Variants in NRP1 observed in about 807,000 individuals in gnomAD.
NRP1 encodes neuropilin 1.
A neutral mutation model predicts 106.7 loss-of-function variants in NRP1; 35 were observed. The observed-to-expected ratio is 0.33, with a 90% CI of 0.25 to 0.43. NRP1 has a LOEUF of 0.43. NRP1 is among the 20% of genes least tolerant of loss of function. The pLI is 1.00. For missense variants in NRP1, 1,024 were observed against 1,170.4 expected, an observed-to-expected ratio of 0.87 and a Z score of 1.83; for synonymous variants, 437 against 417.9, an observed-to-expected ratio of 1.05 and a Z score of -0.56.
intron 3 of NRP1, among the ~76,000 whole-genome samples, chr10:33,267,921 T>C (rs1351651447): frequency 6.6e-6 from 1 of 152,158 alleles, no homozygotes; most frequent in Non-Finnish European, 1.5e-5. Flanking sequence ...CCGGGGACTC[T>C]GGAATGGCCT....
intron 2 of NRP1, among the ~76,000 whole-genome samples, chr10:33,321,519 T>C (rs1168078586): frequency 6.6e-6 from 1 of 152,222 alleles, no homozygotes; most frequent in African/African-American, 2.4e-5. Context: ...TAGAGACTTG[T>C]GTCTGTTTTT....
intron 8 of NRP1, among the ~76,000 whole-genome samples, chr10:33,220,241 A>T (rs1373031489): frequency 6.6e-6 from 1 of 152,220 alleles, no homozygotes; most frequent in East Asian, 1.9e-4. Flanking sequence ...ATTTCATGGA[A>T]TATTGCCAAA....
At chr10:33,185,461 T>C (rs1835939802) in intron 15 of NRP1, among the ~76,000 whole-genome samples, 167 bp downstream of exon 15, 1 of 152,228 alleles carries the variant, frequency 6.6e-6, no homozygotes. Context: ...CACAGGTAAA[T>C]TGGGCTGATT....
intron 6 of NRP1, among the ~76,000 whole-genome samples, chr10:33,235,566 C>A (rs563364625): frequency 2.0e-4 from 31 of 152,344 alleles, no homozygotes; most frequent in African/African-American, 5.5e-4. Flanking sequence ...GGACGCAAAA[C>A]CTGAGGGCTT....
intron 6 of NRP1, among the ~76,000 whole-genome samples, chr10:33,249,124 A>G (rs1010134663): frequency 1.6e-5 from 1 of 60,798 alleles, no homozygotes; most frequent in Non-Finnish European, 2.9e-5. Context: ...CTGGCATTTT[A>G]ATCAGAGAAA....
chr10:33,249,898 G>GT (rs145794392), intron 6 of NRP1, among the ~76,000 whole-genome samples: 153 of 146,924 alleles, frequency 1.0e-3, no homozygotes, highest in Middle Eastern at 3.6e-3. Context: ...ATGATGCATT[G>GT]TTTTTTTTTT....
At chr10:33,252,691 G>A (rs888931410) in intron 6 of NRP1, among the ~76,000 whole-genome samples, 6 of 151,514 alleles carry the variant, frequency 4.0e-5, no homozygotes, top group Non-Finnish European at 7.4e-5. Flanking sequence ...ACTGCCTGTT[G>A]GTTTGGGGAT....
At chr10:33,219,992 A>C (rs572490289) in intron 8 of NRP1, among the ~76,000 whole-genome samples, 13 of 152,350 alleles carry the variant, frequency 8.5e-5, no homozygotes, top group Admixed American at 3.3e-4. Context: ...AGCCAAGGTT[A>C]TATCTAACTT....
At position 33,240,445 on chromosome 10, in the gene NRP1, T is replaced by C. The variant is rs1255264670; in HGVS notation, c.981+13583A>G. Among the ~76,000 whole-genome samples the C allele has an allele frequency of 2.0e-5, 3 of 152,206 alleles. No homozygotes were observed. The East Asian group carries it at 5.8e-4, about 29-fold the overall frequency. On this transcript the variant is annotated intron_variant, in intron 6 of 16. Coordinates refer to ENST00000374867, the MANE Select transcript of NRP1 (RefSeq NM_003873.7). ...CACAAACAAATGCGTTGCTGATTATTGGTTTTGCAGTTAATCATGGCTTTA... is the reference window on the plus strand; with the variant it reads ...CACAAACAAATGCGTTGCTGATTATCGGTTTTGCAGTTAATCATGGCTTTA...
At chr10:33,188,889 GGC>G (rs1185213452) in intron 13 of NRP1, among the ~76,000 whole-genome samples, 8 of 126,224 alleles carry the variant, frequency 6.3e-5, no homozygotes, top group Non-Finnish European at 6.4e-5. Context: ...CTCCAACCTA[GGC>G]AACAGAGACC....
intron 2 of NRP1, among the ~76,000 whole-genome samples, chr10:33,303,072 C>G (rs1845917566): frequency 6.6e-6 from 1 of 152,180 alleles, no homozygotes. Flanking sequence ...AAAAAGCTGT[C>G]CCTCAAGAGT....
Position 33,186,532 on chromosome 10 carries a change from C to T in NRP1, c.2063-44G>A, listed in dbSNP as rs774450165. On this transcript the variant is annotated intron_variant, in intron 13 of 16. Coordinates refer to ENST00000374867, the MANE Select transcript of NRP1 (RefSeq NM_003873.7). ...GTGTTAGGGAGAGTGGCCAGGATTA[C>T]CACACTTTTATCTCTCTTCTTTCAA... 25 of 1,561,028 alleles carry T rather than the reference C, an allele frequency of 1.6e-5. 1 individual carries two copies. In the Admixed American group the frequency reaches 3.1e-4, roughly 19 times the overall value.
At chr10:33,196,130 T>C (rs199572853) in intron 12 of NRP1, among the ~76,000 whole-genome samples, 1 of 152,134 alleles carries the variant, frequency 6.6e-6, no homozygotes, top group East Asian at 1.9e-4. Flanking sequence ...TGGAATCTGA[T>C]AGAACTTTCC....
At chr10:33,287,388 C>T (rs1203082787) in intron 2 of NRP1, among the ~76,000 whole-genome samples, 2 of 152,210 alleles carry the variant, frequency 1.3e-5, no homozygotes, top group Admixed American at 1.3e-4. Context: ...GATTTCTACT[C>T]TCATGATGCT....
chr10:33,202,632 T>C (rs1009908599), intron 11 of NRP1: 21 of 1,523,612 alleles, frequency 1.4e-5, no homozygotes, highest in Non-Finnish European at 1.7e-5. Flanking sequence ...GGGGAAATTC[T>C]TATTCAATTA....
intron 2 of NRP1, among the ~76,000 whole-genome samples, chr10:33,323,632 G>A (rs1847685580): frequency 6.6e-6 from 1 of 152,104 alleles, no homozygotes; most frequent in African/African-American, 2.4e-5. Flanking sequence ...GCAACGAACT[G>A]CCAAGCCACT....
At chr10:33,195,130 A>G (rs1418672749) in intron 12 of NRP1, among the ~76,000 whole-genome samples, 1 of 152,214 alleles carries the variant, frequency 6.6e-6, no homozygotes, top group African/African-American at 2.4e-5. Flanking sequence ...GATCATTAGC[A>G]CCATATGTAT....
intron 2 of NRP1, among the ~76,000 whole-genome samples, chr10:33,275,395 C>T (rs548678866): frequency 4.6e-4 from 70 of 152,098 alleles, no homozygotes; most frequent in Non-Finnish European, 6.0e-4. Context: ...GGTAAAACCC[C>T]GTCTCTACTA....
intron 2 of NRP1, among the ~76,000 whole-genome samples, chr10:33,313,468 A>G (rs1321713605): frequency 6.6e-6 from 1 of 152,096 alleles, no homozygotes; most frequent in East Asian, 1.9e-4. Context: ...TAGCTCATGT[A>G]CCCCAGTAAT....
Sources: allele counts gnomAD v4.1 joint callset (sites outside exome capture counted in the v4.1 genomes callset), GRCh38; gene constraint gnomAD v4.1.1; transcripts MANE v1.5; gene names NCBI Gene and HGNC (gene_info 2026-07-23, HGNC 2026-07-21).